Variants in ADGRB3 observed in about 807,000 individuals in gnomAD.
ADGRB3 encodes the protein adhesion G protein-coupled receptor B3.
A neutral mutation model predicts 193.4 loss-of-function variants in ADGRB3; 37 were observed. The ratio of observed to expected loss-of-function variants is 0.19; its 90% confidence interval spans 0.15 to 0.25. The LOEUF is 0.25. Ranked by LOEUF, ADGRB3 falls within the 10% of genes least tolerant of loss-of-function variation. The pLI is 1.00. For missense variants in ADGRB3, 1,637 were observed against 1,852.9 expected (o/e 0.88, Z 2.14); for synonymous variants, 690 against 644.2 (o/e 1.07, Z -1.08).
At chr6:69,022,983 C>A (rs1418068078) in intron 13 of ADGRB3, among the ~76,000 whole-genome samples, 1 of 151,988 alleles carries the variant, frequency 6.6e-6, no homozygotes, top group Non-Finnish European at 1.5e-5. Context: ...CTTCATATAG[C>A]ATATTACATT....
At chr6:69,031,564 T>TTTCTTTCTTTCTTTCTTTTC (rs1398380007) in intron 13 of ADGRB3, among the ~76,000 whole-genome samples, 1 of 135,642 alleles carries the variant, frequency 7.4e-6, no homozygotes, top group Non-Finnish European at 1.6e-5. Context: ...TCTTTCTTTC[T>TTTCTTTCTTTCTTTCTTTTC]TTTCTTCCTC....
intron 3 of ADGRB3, among the ~76,000 whole-genome samples, chr6:68,703,834 G>A (rs928037107): frequency 1.3e-5 from 2 of 151,972 alleles, no homozygotes; most frequent in East Asian, 3.9e-4. Flanking sequence ...TGTTGGTCAG[G>A]ATAGTCTCGA....
intron 15 of ADGRB3, among the ~76,000 whole-genome samples, chr6:69,050,419 G>A (rs1202183942): frequency 6.6e-6 from 1 of 152,128 alleles, no homozygotes. Context: ...CCTCTGAATA[G>A]AATTTAGACT....
rs966173209 is a variant in ADGRB3 at position 68,881,233 on chromosome 6, A to G, written c.758-49326A>G. Among the ~76,000 whole-genome samples the G allele has an allele frequency of 7.9e-5, 12 of 152,214 alleles. No individual in the cohort carries two copies. The East Asian group carries it at 2.3e-3, about 29-fold the overall frequency. On this transcript the variant is annotated intron_variant, in intron 3 of 31. Transcript: ENST00000370598. ...GGATATTTTACATATTTAGCATCAA[A>G]TCCACAGTTATGTGACTGATAAAAT...
chr6:69,377,250 A>G (rs761118398), intron 30 of ADGRB3, among the ~76,000 whole-genome samples: 7 of 152,070 alleles, frequency 4.6e-5, no homozygotes, highest in Admixed American at 1.3e-4. Context: ...GCTTTGGCAT[A>G]CTGAGTGCTT....
intron 17 of ADGRB3, among the ~76,000 whole-genome samples, chr6:69,161,227 T>C (rs1774977057): frequency 6.6e-6 from 1 of 151,990 alleles, no homozygotes; most frequent in African/African-American, 2.4e-5. Flanking sequence ...TAAATAATAA[T>C]AATAATTTAA....
chr6:69,094,416 G>A (rs78982807), intron 17 of ADGRB3, among the ~76,000 whole-genome samples: 3,778 of 152,312 alleles, frequency 0.025, 77 homozygotes, highest in Middle Eastern at 0.051. Flanking sequence ...TGAGAAAGGT[G>A]CTTGTAGTGA....
intron 3 of ADGRB3, among the ~76,000 whole-genome samples, chr6:68,766,247 T>A (rs543249775): frequency 8.5e-5 from 13 of 152,156 alleles, no homozygotes; most frequent in Middle Eastern, 3.4e-3. Flanking sequence ...GCTTATTTCA[T>A]TGAATGCTCA....
chr6:68,884,466 G>A lies in ADGRB3; in HGVS notation c.758-46093G>A, dbSNP rs117163465. Among the ~76,000 whole-genome samples the A allele has an allele frequency of 2.7e-4, 41 of 152,242 alleles. No homozygotes were observed. The East Asian group carries it at 6.6e-3, about 24-fold the overall frequency. ...GAGTAAGAGCTTTAGGCTGAAACCC[G>A]GGGAGTGAGAAAAAATTAGTTGAAA... On this transcript the variant is annotated intron_variant, in intron 3 of 31. Transcript: ENST00000370598.
At position 68,638,757 on chromosome 6, in the gene ADGRB3, T is replaced by G. The variant is rs781771290; in HGVS notation, c.82T>G (p.Phe28Val). Residue 28 changes from phenylalanine (F) to valine (V), a missense_variant, in exon 3 of 32, where the codon TTC becomes GTC. This residue lies in a region of ADGRB3 where 365 missense variants were observed against 409.8 expected (regional missense o/e 0.89). Coordinates refer to ENST00000370598, the MANE Select transcript of ADGRB3 (RefSeq NM_001704.3). ...VMFGFNAAQD[F>V]WCSTLVKGVI... is the part of the protein sequence containing the mutation. ...GTTTGGATTTAATGCTGCCCAAGACTTCTGGTGTTCAACTTTGGTGAAGGG... is the reference window on the plus strand; with the variant it reads ...GTTTGGATTTAATGCTGCCCAAGACGTCTGGTGTTCAACTTTGGTGAAGGG... 6.2e-7 allele frequency: 1 copy of G among 1,614,054 alleles called. No individual in the cohort carries two copies. The highest frequency in any genetic ancestry group is 2.2e-5 in the East Asian group (1 of 44,884).
At chr6:68,819,216 T>C (rs1264798879) in intron 3 of ADGRB3, among the ~76,000 whole-genome samples, 1 of 152,060 alleles carries the variant, frequency 6.6e-6, no homozygotes, top group Non-Finnish European at 1.5e-5. Flanking sequence ...TTTAATAATC[T>C]GGTTCTCACC....
At chr6:69,001,259 G>C (rs1769568731) in intron 11 of ADGRB3, among the ~76,000 whole-genome samples, 1 of 152,156 alleles carries the variant, frequency 6.6e-6, no homozygotes, top group African/African-American at 2.4e-5. Context: ...TGTAAGAATG[G>C]CATGTCCATT....
intron 10 of ADGRB3, among the ~76,000 whole-genome samples, chr6:68,987,975 C>T (rs1287262376): frequency 2.0e-5 from 3 of 152,088 alleles, no homozygotes; most frequent in Non-Finnish European, 4.4e-5. Flanking sequence ...TAAAAGTTCT[C>T]CAATTATTAC....
intron 3 of ADGRB3, among the ~76,000 whole-genome samples, chr6:68,769,238 A>C (rs987667312): frequency 2.0e-5 from 3 of 152,214 alleles, no homozygotes; most frequent in African/African-American, 7.2e-5. Flanking sequence ...ACATATGCAC[A>C]TGTGTGTTTA....
intron 17 of ADGRB3, among the ~76,000 whole-genome samples, chr6:69,087,549 A>T (rs952262225): frequency 1.3e-5 from 2 of 152,184 alleles, no homozygotes; most frequent in African/African-American, 4.8e-5. Context: ...GGCACTATCT[A>T]TGAGGAATAA....
At chr6:69,370,215 G>A (rs547489662) in intron 29 of ADGRB3, among the ~76,000 whole-genome samples, 68 of 152,116 alleles carry the variant, frequency 4.5e-4, no homozygotes, top group African/African-American at 1.5e-3. Flanking sequence ...TATTTTATCC[G>A]ACCATCCCAC....
At chr6:69,087,511 C>T (rs745381182) in intron 17 of ADGRB3, among the ~76,000 whole-genome samples, 3 of 152,136 alleles carry the variant, frequency 2.0e-5, no homozygotes, top group Non-Finnish European at 4.4e-5. Flanking sequence ...GCTTGCTTAT[C>T]ACTTCTGACA....
intron 20 of ADGRB3, among the ~76,000 whole-genome samples, chr6:69,315,673 A>G (rs2127302605): frequency 6.6e-6 from 1 of 151,546 alleles, no homozygotes; most frequent in African/African-American, 2.4e-5. Flanking sequence ...GTAAGCAGTT[A>G]CCGGTGTGTC....
intron 20 of ADGRB3, among the ~76,000 whole-genome samples, chr6:69,315,048 C>T (rs1227967387): frequency 1.3e-5 from 2 of 151,464 alleles, no homozygotes; most frequent in Admixed American, 6.6e-5. Context: ...AATAAAGGCT[C>T]ATGATTTAAT....
Sources: allele counts gnomAD v4.1 joint callset (sites outside exome capture counted in the v4.1 genomes callset), GRCh38; gene constraint gnomAD v4.1.1; regional missense constraint gnomAD v4.1.1; transcripts MANE v1.5; gene names NCBI Gene and HGNC (gene_info 2026-07-23, HGNC 2026-07-21).